Variants in PCDHGB4 observed in about 807,000 individuals in gnomAD.
PCDHGB4 encodes protocadherin gamma subfamily B, 4.
A neutral mutation model predicts 60.5 loss-of-function variants in PCDHGB4; 38 were observed. The observed-to-expected ratio is 0.63, with a 90% confidence interval of 0.48 to 0.82. PCDHGB4 has a LOEUF of 0.82. PCDHGB4 is among the 40% of genes least tolerant of loss of function. The pLI is 0.00. For synonymous variants in PCDHGB4, 456 were observed against 509.7 expected, an observed-to-expected ratio of 0.89 and a Z score of 1.42; for missense variants, 1,109 against 1,209.6, an observed-to-expected ratio of 0.92 and a Z score of 1.23.
intron 1 of PCDHGB4, among the ~76,000 whole-genome samples, chr5:141,458,869 A>G (rs2154566384): frequency 6.6e-6 from 1 of 152,264 alleles, no homozygotes; most frequent in East Asian, 1.9e-4. Context: ...AGTAGCTGGG[A>G]CTACAGGCAT....
intron 1 of PCDHGB4, chr5:141,421,393 G>A: frequency 6.2e-7 from 1 of 1,614,038 alleles, no homozygotes; most frequent in Non-Finnish European, 8.5e-7. Flanking sequence ...CCTGGGGCTG[G>A]AGCCCCGGGA....
At position 141,431,590 on chromosome 5, in the gene PCDHGB4, G is replaced by A; in HGVS notation, c.2397+41309G>A. On this transcript the variant is annotated intron_variant, in intron 1 of 3. Transcript: ENST00000519479. The surrounding 1 kb of genome is among the most constrained non-coding windows in gnomAD (Gnocchi z 4.8). ...CTGACGAAGGAGTCAATGCGGAAGT[G>A]AGGTATTCCTTCCGGTATGTGGACG... 1.2e-6 allele frequency: 2 copies of A among 1,614,240 alleles called. No homozygotes were observed. Among genetic ancestry groups the A allele is most frequent in the South Asian group, 1.1e-5 (1 of 91,090 alleles).
rs74792071 is a variant in PCDHGB4 at position 141,437,248 on chromosome 5, T to C, written c.2397+46967T>C. 4.6e-3 allele frequency among the ~76,000 whole-genome samples: 704 copies of C among 152,360 alleles called. 4 individuals carry two copies. The highest frequency in any genetic ancestry group is 0.015 in the African/African-American group (641 of 41,594). On this transcript the variant is annotated intron_variant, in intron 1 of 3. Transcript: ENST00000519479. ...CATAAAATTATGTCAAGGACTTTCC[T>C]TGTCTTTTTATGTGTATGACAGATG... is the stretch of plus-strand genomic sequence containing the variant.
At chr5:141,413,531 A>G (rs1472068242) in intron 1 of PCDHGB4, 6 of 1,613,818 alleles carry the variant, frequency 3.7e-6, no homozygotes, top group Non-Finnish European at 5.1e-6. Flanking sequence ...GACAGGGTGA[A>G]ACTTTTTGGG....
At chr5:141,457,098 T>G (rs1179930043) in intron 1 of PCDHGB4, among the ~76,000 whole-genome samples, 1 of 152,242 alleles carries the variant, frequency 6.6e-6, no homozygotes, top group Non-Finnish European at 1.5e-5. Flanking sequence ...AGGATACTAA[T>G]TAAGCAAAAT....
chr5:141,419,705 C>A, intron 1 of PCDHGB4: 1 of 1,613,038 alleles, frequency 6.2e-7, no homozygotes, highest in South Asian at 1.1e-5. Flanking sequence ...TGAGCCCGGG[C>A]TCTTCAGCCT....
chr5:141,446,353 T>C (rs1278613929), intron 1 of PCDHGB4, among the ~76,000 whole-genome samples: 2 of 152,176 alleles, frequency 1.3e-5, no homozygotes, highest in Non-Finnish European at 2.9e-5. Flanking sequence ...AAGCTACCAT[T>C]TGATGAGAAT....
At chr5:141,417,795 T>C in intron 1 of PCDHGB4, 1 of 1,483,780 alleles carries the variant, frequency 6.7e-7, no homozygotes, top group Non-Finnish European at 9.0e-7. Context: ...AATGCTCTTT[T>C]AGCGCGGTAG....
At chr5:141,434,807 A>G (rs2097718601) in intron 1 of PCDHGB4, among the ~76,000 whole-genome samples, 1 of 152,016 alleles carries the variant, frequency 6.6e-6, no homozygotes, top group South Asian at 2.1e-4. Context: ...AGCTTGGAGA[A>G]ATATATCCCT....
rs776258973 is a variant in PCDHGB4, at chr5:141,489,877, A to G, written c.2398-4930A>G. 1.2e-6 allele frequency: 2 copies of G among 1,614,230 alleles called. No individual in the cohort carries two copies. The highest frequency in any genetic ancestry group is 2.2e-5 in the South Asian group (2 of 91,090). Reference sequence around the variant, plus strand: ...CCAGGCAAGACATCAGCTGGTGCTTACTGCTGTGGATGGGGGGACCCCAGC... The same window carrying G: ...CCAGGCAAGACATCAGCTGGTGCTTGCTGCTGTGGATGGGGGGACCCCAGC... On this transcript the variant is annotated intron_variant, in intron 1 of 3. Coordinates refer to ENST00000519479, the MANE Select transcript of PCDHGB4 (RefSeq NM_003736.4). This position sits in a 1 kb window ranked among gnomAD's most constrained non-coding sequence, Gnocchi z 4.5.
intron 1 of PCDHGB4, chr5:141,418,768 T>C (rs1216316680): frequency 6.2e-7 from 1 of 1,613,712 alleles, no homozygotes; most frequent in Non-Finnish European, 8.5e-7. Context: ...ACATTCTAAC[T>C]CAGCAGCCTT....
In PCDHGB4 at chr5:141,511,307, G is replaced by A. The variant is rs919320754; in HGVS notation, c.*134G>A. On this transcript the variant is annotated 3_prime_UTR_variant, in exon 4 of 4. Coordinates refer to ENST00000519479, the MANE Select transcript of PCDHGB4 (RefSeq NM_003736.4). ...TAGGGGCCAAGGCCATGCTCCCCTT[G>A]GGAAACAGAAACAAGTGCCCAGTCA... 8 of 1,488,416 alleles carry A rather than the reference G, an allele frequency of 5.4e-6. No individual in the cohort carries two copies. Among genetic ancestry groups the A allele is most frequent in the Non-Finnish European group, 5.4e-6 (6 of 1,115,202 alleles). The allele number at this position is 1,488,416 out of a possible 1,614,324, so 92.2% of individuals were successfully genotyped here. A position where few individuals can be genotyped will look rare whatever the true frequency, so the allele number is the denominator to read the frequency against.
At chr5:141,418,530 G>T in intron 1 of PCDHGB4, 6 of 1,613,952 alleles carry the variant, frequency 3.7e-6, no homozygotes, top group Non-Finnish European at 5.1e-6. Flanking sequence ...CCCCGAAGCG[G>T]TACTGCTCAG....
Position 141,389,618 on chromosome 5 carries a change from C to T in PCDHGB4, c.1734C>T (p.His578=), listed in dbSNP as rs1224398489. 46 of 1,612,930 alleles carry T rather than the reference C, an allele frequency of 2.9e-5. No individual in the cohort carries two copies. The highest frequency in any genetic ancestry group is 1.7e-4 in the Middle Eastern group (1 of 5,838). The change falls in exon 1 of 4, where the codon CAC becomes CAT. Residue 578 remains histidine (H), a synonymous_variant. Transcript: ENST00000519479. ...DGSALFDMVP[H]AAEPGYLVTK... ...CTGCGCTCTTCGATATGGTGCCGCA[C>T]GCTGCAGAGCCTGGCTACTTGGTGA...
chr5:141,457,149 G>A (rs1016628234), intron 1 of PCDHGB4, among the ~76,000 whole-genome samples: 6 of 152,180 alleles, frequency 3.9e-5, no homozygotes, highest in African/African-American at 1.4e-4. Flanking sequence ...TCAGTTAGAA[G>A]GTGCTACCAT....
intron 1 of PCDHGB4, chr5:141,396,533 T>A (rs942972836): frequency 2.0e-5 from 3 of 151,264 alleles, no homozygotes; most frequent in African/African-American, 7.3e-5. Flanking sequence ...GGCAGAAGAA[T>A]CACTTGAACC....
Position 141,489,517 on chromosome 5 carries a change from G to C in PCDHGB4, c.2398-5290G>C. The C allele has an allele frequency of 6.2e-7, 1 of 1,614,136 alleles. No individual in the cohort carries two copies. Among genetic ancestry groups the C allele is most frequent in the Non-Finnish European group, 8.5e-7 (1 of 1,180,044 alleles). On this transcript the variant is annotated intron_variant, in intron 1 of 3. Transcript: ENST00000519479. The surrounding 1 kb of genome is among the most constrained non-coding windows in gnomAD (Gnocchi z 4.5). ...GGCAGTGAATCAAAAGATTGACCGA[G>C]AAAGCCTATGTGGAGCCAGCACCAG...
chr5:141,393,815 C>T (rs2092850609), intron 1 of PCDHGB4: 1 of 1,613,922 alleles, frequency 6.2e-7, no homozygotes, highest in Non-Finnish European at 8.5e-7. Context: ...CCAAATTGCT[C>T]ATTTCGGTGG....
In PCDHGB4 at chr5:141,476,533, A is replaced by G; in HGVS notation, c.2398-18274A>G. 6.2e-7 allele frequency: 1 copy of G among 1,614,184 alleles called. No individual in the cohort carries two copies. Among genetic ancestry groups the G allele is most frequent in the Non-Finnish European group, 8.5e-7 (1 of 1,180,022 alleles). On this transcript the variant is annotated intron_variant, in intron 1 of 3. Transcript: ENST00000519479. The surrounding 1 kb of genome is among the most constrained non-coding windows in gnomAD (Gnocchi z 7.6). ...ACAATCCTGCTTTCCCTACCCAGGA[A>G]ATGAAATTGGAGATTAGCGAGGCCG...
Sources: gnomAD v4.1 joint callset for allele counts (sites outside exome capture counted in the v4.1 genomes callset) on GRCh38, gnomAD v4.1.1 for gene constraint, Gnocchi (gnomAD v3.1) non-coding constraint, MANE v1.5 for transcripts, NCBI Gene and HGNC (gene_info 2026-07-23, HGNC 2026-07-21) for gene names.